Variants in KIF16B observed in about 807,000 individuals in gnomAD.
The protein encoded by KIF16B is kinesin-like protein KIF16B.
In KIF16B, 98 loss-of-function variants were observed where a neutral mutation model predicts 156.3. The ratio of observed to expected loss-of-function variants is 0.63; its 90% CI spans 0.53 to 0.74. The LOEUF is 0.74. Ranked by LOEUF, KIF16B falls within the 30% of genes least tolerant of loss-of-function variation. The pLI is 0.00. For synonymous variants in KIF16B, 564 were observed against 583.7 expected, an observed-to-expected ratio of 0.97 and a Z score of 0.49; for missense variants, 1,421 against 1,606.5, an observed-to-expected ratio of 0.88 and a Z score of 1.97.
At chr20:16,302,085 T>C (rs562514381) in intron 25 of KIF16B, among the ~76,000 whole-genome samples, 43 of 152,358 alleles carry the variant, frequency 2.8e-4, no homozygotes, top group Non-Finnish European at 5.4e-4. Flanking sequence ...GATTCCCTTC[T>C]CATCCTCCTG....
intron 7 of KIF16B, among the ~76,000 whole-genome samples, chr20:16,507,309 G>C (rs192454746): frequency 6.6e-6 from 1 of 152,004 alleles, no homozygotes; most frequent in Non-Finnish European, 1.5e-5. Flanking sequence ...CTGCCTCTTT[G>C]TATCTGATGT....
intron 12 of KIF16B, among the ~76,000 whole-genome samples, chr20:16,437,602 TCTC>T (rs147801968): frequency 0.24 from 36,262 of 151,928 alleles, 4,454 homozygotes; most frequent in South Asian, 0.31. Flanking sequence ...GTAAAGACAT[TCTC>T]CTCAAGTGTT....
chr20:16,427,058 T>C, intron 15 of KIF16B, 46 bp downstream of exon 15: 1 of 1,490,872 alleles, frequency 6.7e-7, no homozygotes, highest in Non-Finnish European at 9.0e-7. Flanking sequence ...CAACTTGTTT[T>C]CTCAAACAAT....
chr20:16,352,926 C>T (rs1196894126), intron 23 of KIF16B, among the ~76,000 whole-genome samples: 1 of 152,198 alleles, frequency 6.6e-6, no homozygotes, highest in Non-Finnish European at 1.5e-5. Flanking sequence ...GGGTCTTATA[C>T]CAGGGGGTGT....
At chr20:16,382,090 A>G in intron 17 of KIF16B, 7 of 1,348,664 alleles carry the variant, frequency 5.2e-6, no homozygotes, top group Non-Finnish European at 6.9e-6. Context: ...AAAATGGAGA[A>G]TCTCTACCTT....
intron 12 of KIF16B, among the ~76,000 whole-genome samples, chr20:16,433,612 C>T (rs1343989660): frequency 2.0e-5 from 3 of 151,654 alleles, no homozygotes; most frequent in Non-Finnish European, 4.4e-5. Flanking sequence ...GACACACACA[C>T]TCACACACAC....
chr20:16,334,926 C>T (rs1029695002), intron 24 of KIF16B, among the ~76,000 whole-genome samples: 5 of 152,174 alleles, frequency 3.3e-5, no homozygotes, highest in Non-Finnish European at 4.4e-5. Flanking sequence ...CAAACTAACA[C>T]AGCTTAATTC....
At chr20:16,435,316 C>T (rs2066614369) in intron 12 of KIF16B, among the ~76,000 whole-genome samples, 1 of 152,314 alleles carries the variant, frequency 6.6e-6, no homozygotes, top group Non-Finnish European at 1.5e-5. Flanking sequence ...CAGTATGGTA[C>T]TTACTTTCCT....
chr20:16,439,244 G>A (rs182953949), intron 12 of KIF16B, among the ~76,000 whole-genome samples: 2 of 152,248 alleles, frequency 1.3e-5, no homozygotes, highest in East Asian at 3.9e-4. Context: ...AACCTTCACA[G>A]CCTGCCTGAA....
At chr20:16,287,889 A>C (rs934298640) in intron 25 of KIF16B, among the ~76,000 whole-genome samples, 34 of 152,212 alleles carry the variant, frequency 2.2e-4, no homozygotes, top group Non-Finnish European at 4.1e-4. Flanking sequence ...AAGTGAGGAC[A>C]TGTAAGGAAG....
rs777480790 is a variant in KIF16B, at chr20:16,367,744, A to G, written c.3498+2842T>C. 1.6e-5 allele frequency: 25 copies of G among 1,612,508 alleles called. No homozygotes were observed. In the South Asian group the frequency reaches 1.9e-4, roughly 12 times the overall value. ...TTTCCAATCAAGAGAAAGCTGAACC[A>G]GATCTTGCTGGAGCAAGGGATGATT... On this transcript the variant is annotated intron_variant, in intron 22 of 25. Coordinates refer to ENST00000354981, the MANE Select transcript of KIF16B (RefSeq NM_024704.5).
intron 22 of KIF16B, among the ~76,000 whole-genome samples, chr20:16,364,989 T>C (rs1307042588): frequency 6.6e-6 from 1 of 152,228 alleles, no homozygotes; most frequent in Non-Finnish European, 1.5e-5. Context: ...TATTTAACAC[T>C]CTTTGTTAAA....
At chr20:16,440,533 G>GCGCACACACA (rs1490804040) in intron 12 of KIF16B, among the ~76,000 whole-genome samples, 3 of 138,252 alleles carry the variant, frequency 2.2e-5, no homozygotes, top group Non-Finnish European at 4.7e-5. Flanking sequence ...ACAAGCGCGC[G>GCGCACACACA]CACACACACA....
intron 12 of KIF16B, among the ~76,000 whole-genome samples, chr20:16,453,555 T>C (rs111549909): frequency 4.7e-4 from 71 of 151,988 alleles, no homozygotes; most frequent in African/African-American, 1.6e-3. Context: ...ATATTTACAA[T>C]ATATATTACT....
chr20:16,454,613 T>C (rs1479150677), intron 12 of KIF16B, among the ~76,000 whole-genome samples: 1 of 152,076 alleles, frequency 6.6e-6, no homozygotes, highest in East Asian at 1.9e-4. Flanking sequence ...AATAATAAAA[T>C]TACTTAATAA....
chr20:16,366,963 A>G, intron 22 of KIF16B: 2 of 1,285,170 alleles, frequency 1.6e-6, no homozygotes, highest in Non-Finnish European at 2.0e-6. Context: ...CTCTGCTATT[A>G]GCTGTTTTTA....
chr20:16,563,323 G>A lies in KIF16B; in HGVS notation c.47+9906C>T, dbSNP rs572036889. On this transcript the variant is annotated intron_variant, in intron 1 of 25. Transcript: ENST00000354981. Reference sequence around the variant, plus strand: ...CCTCCCTGGAAGGATTTTTTCCCCTGTCTTTTTATAACCTGAACGTGAGGA... The same window carrying A: ...CCTCCCTGGAAGGATTTTTTCCCCTATCTTTTTATAACCTGAACGTGAGGA... 1.2e-4 allele frequency among the ~76,000 whole-genome samples: 19 copies of A among 152,224 alleles called. No individual in the cohort carries two copies. The East Asian group carries it at 2.5e-3, about 20-fold the overall frequency.
chr20:16,524,703 T>G (rs1412386795), intron 3 of KIF16B, among the ~76,000 whole-genome samples: 1 of 152,140 alleles, frequency 6.6e-6, no homozygotes, highest in Non-Finnish European at 1.5e-5. Flanking sequence ...TATAAATCAT[T>G]CTACTATAAA....
chr20:16,568,203 T>C (rs1277801020), intron 1 of KIF16B, among the ~76,000 whole-genome samples: 1 of 151,806 alleles, frequency 6.6e-6, no homozygotes, highest in Non-Finnish European at 1.5e-5. Flanking sequence ...GACTTGATAC[T>C]AGATTCTACC....
Sources: gnomAD v4.1 joint callset for allele counts (sites outside exome capture counted in the v4.1 genomes callset) on GRCh38, gnomAD v4.1.1 for gene constraint, MANE v1.5 for transcripts, NCBI Gene and HGNC (gene_info 2026-07-23, HGNC 2026-07-21) for gene names.